The following MMP26 variants were observed in gnomAD, a reference collection of about 807,000 sequenced individuals.
The protein encoded by MMP26 is matrix metalloproteinase-26.
In MMP26, 33 loss-of-function variants were observed where a neutral mutation model predicts 31.0. The observed-to-expected ratio is 1.06, with a 90% CI of 0.81 to 1.42. MMP26 has a LOEUF of 1.42. Among genes scored for constraint, MMP26 ranks in the 40% most tolerant of loss-of-function variants. The pLI, the probability that MMP26 is intolerant of heterozygous loss-of-function variation, is 0.00. For missense variants in MMP26, 347 were observed against 316.1 expected, an observed-to-expected ratio of 1.10 and a Z score of -0.74; for synonymous variants, 122 against 114.9, an observed-to-expected ratio of 1.06 and a Z score of -0.40.
chr11:4,760,643 G>A (rs1848559562), intron 1 of MMP26, among the ~76,000 whole-genome samples: 1 of 152,210 alleles, frequency 6.6e-6, no homozygotes, highest in Non-Finnish European at 1.5e-5. Flanking sequence ...TGAGGTTAGA[G>A]TGAATGACTT....
chr11:4,868,641 C>T (rs1029805918), intron 2 of MMP26, among the ~76,000 whole-genome samples: 8 of 152,088 alleles, frequency 5.3e-5, no homozygotes, highest in African/African-American at 1.9e-4. Flanking sequence ...GGCCACACTG[C>T]CCAACGTAAT....
At chr11:4,707,056 C>G (rs1847790030) in intron 1 of MMP26, among the ~76,000 whole-genome samples, 1 of 152,202 alleles carries the variant, frequency 6.6e-6, no homozygotes. Context: ...GCAGATACCT[C>G]TTTGACTAAC....
At chr11:4,864,719 A>AC (rs1266248230) in intron 2 of MMP26, among the ~76,000 whole-genome samples, 1 of 151,896 alleles carries the variant, frequency 6.6e-6, no homozygotes, top group Non-Finnish European at 1.5e-5. Context: ...GCTTGATGCA[A>AC]CCCCCCTGAG....
intron 2 of MMP26, among the ~76,000 whole-genome samples, chr11:4,981,678 C>T (rs1846815589): frequency 1.3e-5 from 2 of 151,998 alleles, no homozygotes; most frequent in Admixed American, 6.6e-5. Flanking sequence ...CTTCTTATAA[C>T]TTTTTTATTT....
Position 4,821,988 on chromosome 11 carries a change from C to G in MMP26, c.-145+54647C>G, listed in dbSNP as rs775383549. 6 of 1,614,000 alleles carry G rather than the reference C, an allele frequency of 3.7e-6. No individual in the cohort carries two copies. The East Asian group carries it at 6.7e-5, about 18-fold the overall frequency. ...GCTACCATGTTGATCTCATCCAACT[C>G]TCCTGCACAGACAATAGGATCAACA... On this transcript the variant is annotated intron_variant, in intron 2 of 7. Coordinates refer to ENST00000380390, the MANE Select transcript of MMP26 (RefSeq NM_021801.5).
intron 2 of MMP26, among the ~76,000 whole-genome samples, chr11:4,987,570 C>T (rs892094024): frequency 6.6e-6 from 1 of 152,068 alleles, no homozygotes; most frequent in Non-Finnish European, 1.5e-5. Context: ...AGGCGCCCAC[C>T]ACCACACCCG....
chr11:4,771,156 T>A (rs1848712564), intron 2 of MMP26, among the ~76,000 whole-genome samples: 1 of 152,138 alleles, frequency 6.6e-6, no homozygotes, highest in Non-Finnish European at 1.5e-5. Flanking sequence ...TTCGAGAAAT[T>A]GATATGTTTA....
At chr11:4,909,666 G>A (rs1022765073) in intron 2 of MMP26, among the ~76,000 whole-genome samples, 3 of 152,122 alleles carry the variant, frequency 2.0e-5, no homozygotes, top group African/African-American at 7.2e-5. Context: ...TTTTACCCAT[G>A]ATTTTCCACT....
At chr11:4,853,682 G>A (rs1186870344) in intron 2 of MMP26, among the ~76,000 whole-genome samples, 1 of 152,190 alleles carries the variant, frequency 6.6e-6, no homozygotes, top group East Asian at 1.9e-4. Flanking sequence ...CCAAGGTCCA[G>A]ATGATTTCAT....
At chr11:4,921,973 G>C (rs2595973) in intron 2 of MMP26, among the ~76,000 whole-genome samples, 149,893 of 152,254 alleles carry the variant, frequency 0.98, 73,820 homozygotes, top group East Asian at 1. Context: ...GTACCCATTA[G>C]GTAATTTCTC....
chr11:4,828,923 C>T (rs1241415955), intron 2 of MMP26, among the ~76,000 whole-genome samples: 1 of 152,126 alleles, frequency 6.6e-6, no homozygotes, highest in South Asian at 2.1e-4. Flanking sequence ...GCAAGCAGCT[C>T]TAAATATATT....
chr11:4,913,368 T>C (rs1294713215), intron 2 of MMP26: 2 of 152,148 alleles, frequency 1.3e-5, no homozygotes, highest in African/African-American at 4.8e-5. Flanking sequence ...GACATTGTGT[T>C]CAGCCACACC....
intron 1 of MMP26, among the ~76,000 whole-genome samples, chr11:4,707,764 G>T (rs924747888): frequency 1.3e-5 from 2 of 152,110 alleles, no homozygotes; most frequent in African/African-American, 2.4e-5. Flanking sequence ...AAGCACTGGG[G>T]TTTATCACTA....
chr11:4,849,345 T>A, intron 2 of MMP26: 1 of 766,568 alleles, frequency 1.3e-6, no homozygotes, highest in Non-Finnish European at 2.1e-6. Flanking sequence ...CACATACACG[T>A]ACACATATAC....
At chr11:4,846,496 A>G (rs1849869545) in intron 2 of MMP26, among the ~76,000 whole-genome samples, 1 of 152,192 alleles carries the variant, frequency 6.6e-6, no homozygotes, top group Non-Finnish European at 1.5e-5. Context: ...TGATAGTGCA[A>G]TAGAGTGACT....
At chr11:4,961,998 T>G (rs1302513332) in intron 2 of MMP26, among the ~76,000 whole-genome samples, 1 of 152,184 alleles carries the variant, frequency 6.6e-6, no homozygotes, top group Non-Finnish European at 1.5e-5. Context: ...AACCCCTGTT[T>G]TTTTCTGCTG....
In MMP26 at chr11:4,914,742, C is replaced by G. The variant is rs764572822; in HGVS notation, c.-144-73326C>G. The G allele has an allele frequency of 2.5e-6, 4 of 1,612,480 alleles. No individual in the cohort carries two copies. The South Asian group carries it at 4.4e-5, about 18-fold the overall frequency. ...AGTTAGTAACAAAAGGCATGCGTCA[C>G]TCGATCCCGGATCTGTTTGGTCTTC... On this transcript the variant is annotated intron_variant, in intron 2 of 7. Coordinates refer to ENST00000380390, the MANE Select transcript of MMP26 (RefSeq NM_021801.5).
At chr11:4,812,658 T>G (rs1564915714) in intron 2 of MMP26, among the ~76,000 whole-genome samples, 1 of 152,196 alleles carries the variant, frequency 6.6e-6, no homozygotes, top group Non-Finnish European at 1.5e-5. Flanking sequence ...ACTCATTAAA[T>G]CGCACTTGAC....
At chr11:4,762,385 A>G (rs1589892949) in intron 1 of MMP26, among the ~76,000 whole-genome samples, 1 of 152,306 alleles carries the variant, frequency 6.6e-6, no homozygotes, top group East Asian at 1.9e-4. Flanking sequence ...TCCAACTTAT[A>G]GATGTACTTT....
Sources: allele counts gnomAD v4.1 joint callset (sites outside exome capture counted in the v4.1 genomes callset), GRCh38; gene constraint gnomAD v4.1.1; transcripts MANE v1.5; gene names NCBI Gene and HGNC (gene_info 2026-07-23, HGNC 2026-07-21).